The following PHYHIP variants were observed in gnomAD, a reference collection of about 807,000 sequenced individuals.
PHYHIP encodes phytanoyl-CoA 2-hydroxylase interacting protein.
In PHYHIP, 7 loss-of-function variants were observed where a neutral mutation model predicts 26.1. That is an observed-to-expected ratio of 0.27 (90% CI 0.15 to 0.50). PHYHIP has a LOEUF of 0.50. PHYHIP is among the 20% of genes least tolerant of loss of function. PHYHIP has a pLI of 0.98. For synonymous variants in PHYHIP, 206 were observed against 183.4 expected, an observed-to-expected ratio of 1.12 and a Z score of -1.00; for missense variants, 232 against 454.7, an observed-to-expected ratio of 0.51 and a Z score of 4.45.
chr8:22,222,396 G>A (rs771901322), intron 4 of PHYHIP, among the ~76,000 whole-genome samples: 6 of 152,114 alleles, frequency 3.9e-5, no homozygotes, highest in Non-Finnish European at 7.4e-5. Flanking sequence ...AACCTCCCAG[G>A]AACAGCAGAC....
At position 22,229,405 on chromosome 8, in the gene PHYHIP, C is replaced by A. The variant is rs559308755; in HGVS notation, c.-29-1019G>T. Among the ~76,000 whole-genome samples, 5 of 152,318 alleles carry A rather than the reference C, an allele frequency of 3.3e-5. No individual in the cohort carries two copies. The East Asian group carries it at 9.6e-4, about 29-fold the overall frequency. On this transcript the variant is annotated intron_variant, in intron 1 of 4. Transcript: ENST00000454243. ...CCTTTCAAGCAACTGCATTTTCTCT[C>A]CCCTCCCTGTCTTACTCCTTTGGTT...
Position 22,221,995 on chromosome 8 carries a change from T to C in PHYHIP, c.459-108A>G, listed in dbSNP as rs1343857011. ...CGAGGAGGGAGGAAGCCAGCCCAGC[T>C]CCCAGCCCTCCCCCAGCCGCCTCCA... On this transcript the variant is annotated intron_variant, in intron 4 of 4. Transcript: ENST00000454243. The surrounding 1 kb of genome is among the most constrained non-coding windows in gnomAD (Gnocchi z 7.9). 6.7e-6 allele frequency: 6 copies of C among 893,498 alleles called. No homozygotes were observed. Among genetic ancestry groups the C allele is most frequent in the Non-Finnish European group, 9.9e-6 (6 of 606,154 alleles). 55.3% of individuals were successfully genotyped at this position (893,498 alleles called of 1,614,324 possible).
rs1829795273 is a variant in PHYHIP at position 22,228,381 on chromosome 8, T to C, written c.-24A>G. 1 of 1,563,356 alleles carries C rather than the reference T, an allele frequency of 6.4e-7. No homozygotes were observed. The highest frequency in any genetic ancestry group is 1.9e-5 in the Admixed American group (1 of 52,776). The stretch of plus-strand genomic sequence containing the variant: ...ATGCTCCCGTCAGGGTTGTCTCCTG[T>C]GGGGACTGAGGAGGAGGGAAAGGGT... On this transcript the variant is annotated 5_prime_UTR_variant, in exon 2 of 5. Transcript: ENST00000454243.
At position 22,220,308 on chromosome 8, in the gene PHYHIP, G is replaced by C. The variant is rs929496236; in HGVS notation, c.*1045C>G. On this transcript the variant is annotated 3_prime_UTR_variant, in exon 5 of 5. Transcript: ENST00000454243. The stretch of plus-strand genomic sequence containing the variant: ...CCCGGGGAGGGGCTCCCGGCCAGCA[G>C]GGTGGCAGGAGAGCAGACAGAGCCA... 1 of 152,668 alleles carries C rather than the reference G, an allele frequency of 6.6e-6. No individual in the cohort carries two copies. The highest frequency in any genetic ancestry group is 2.4e-5 in the African/African-American group (1 of 41,454). The allele number at this position is 152,668 out of a possible 1,614,324, so 9.5% of individuals were successfully genotyped here.
chr8:22,224,094 G>C, intron 4 of PHYHIP, 132 bp downstream of exon 4: 1 of 682,348 alleles, frequency 1.5e-6, no homozygotes, highest in Non-Finnish European at 2.6e-6. Flanking sequence ...GGTGACGTCA[G>C]GACATGTCAA....
intron 1 of PHYHIP, among the ~76,000 whole-genome samples, chr8:22,229,536 G>C (rs1353183301): frequency 6.6e-6 from 1 of 152,176 alleles, no homozygotes; most frequent in Non-Finnish European, 1.5e-5. Context: ...ACTCTGGCCT[G>C]GCTGGCCTAG....
chr8:22,231,080 C>A (rs1563305851), intron 1 of PHYHIP, among the ~76,000 whole-genome samples: 1 of 152,234 alleles, frequency 6.6e-6, no homozygotes, highest in African/African-American at 2.4e-5. Context: ...TCTGGCCACA[C>A]TCTGCCAGCC....
intron 2 of PHYHIP, 95 bp from the exon 3 acceptor site, chr8:22,227,120 C>T (rs1586492415): frequency 6.3e-6 from 7 of 1,117,738 alleles, no homozygotes; most frequent in Non-Finnish European, 8.8e-6. Flanking sequence ...CCAGATGGCC[C>T]TGTTTCTCCT....
rs1180604803 is a variant in PHYHIP, at chr8:22,225,425, C to T, written c.341-1082G>A. On this transcript the variant is annotated intron_variant, in intron 3 of 4. Transcript: ENST00000454243. ...GCTTGGGCTCGTGGGGAGGAGGTTG[C>T]TGAGGCTGCAGTGAGCCATGATCAT... Among the ~76,000 whole-genome samples the T allele has an allele frequency of 6.6e-5, 10 of 152,028 alleles. No homozygotes were observed. The East Asian group carries it at 1.9e-3, about 29-fold the overall frequency.
chr8:22,221,950 G>A lies in PHYHIP; in HGVS notation c.459-63C>T. The A allele has an allele frequency of 2.9e-6, 4 of 1,387,738 alleles. No individual in the cohort carries two copies. The highest frequency in any genetic ancestry group is 3.8e-6 in the Non-Finnish European group (4 of 1,045,828). 86.0% of individuals were successfully genotyped at this position (1,387,738 alleles called of 1,614,324 possible). A position where few individuals can be genotyped will look rare whatever the true frequency, so the allele number is the denominator to read the frequency against. ...GATGTGGCTGGTGAGCCGGGCTGAGGCTTGGCTGCTGCGTGTGGTCGAGGA... is the reference window on the plus strand; with the variant it reads ...GATGTGGCTGGTGAGCCGGGCTGAGACTTGGCTGCTGCGTGTGGTCGAGGA... On this transcript the variant is annotated intron_variant, in intron 4 of 4. Transcript: ENST00000454243. The surrounding 1 kb of genome is among the most constrained non-coding windows in gnomAD (Gnocchi z 7.9).
At position 22,221,800 on chromosome 8, in the gene PHYHIP, G is replaced by A; in HGVS notation, c.546C>T (p.Val182=). The change falls in exon 5 of 5, where the codon GTC becomes GTT. Residue 182 remains valine, a synonymous_variant. Transcript: ENST00000454243. The surrounding 1 kb of genome is among the most constrained non-coding windows in gnomAD (Gnocchi z 7.9). ...GSPTSGMLHG[V]FFSCNTEFNT... is the part of the protein sequence containing the mutation. ...TGAACTCCGTGTTGCAGCTGAAGAA[G>A]ACCCCGTGGAGCATACCGCTGGTGG... 1.2e-6 allele frequency: 2 copies of A among 1,608,602 alleles called. No homozygotes were observed. Among genetic ancestry groups the A allele is most frequent in the Non-Finnish European group, 1.7e-6 (2 of 1,177,720 alleles).
At chr8:22,222,289 C>T (rs907344586) in intron 4 of PHYHIP, among the ~76,000 whole-genome samples, 9 of 152,180 alleles carry the variant, frequency 5.9e-5, no homozygotes, top group Non-Finnish European at 1.5e-5. Flanking sequence ...GGACTCTTCC[C>T]TCTGCTGCAC....
At chr8:22,229,083 C>A (rs1829816851) in intron 1 of PHYHIP, among the ~76,000 whole-genome samples, 2 of 152,158 alleles carry the variant, frequency 1.3e-5, no homozygotes, top group African/African-American at 2.4e-5. Flanking sequence ...ACATTAACAT[C>A]TATTAGGGGC....
At chr8:22,226,791 G>T in intron 3 of PHYHIP, 60 bp downstream of exon 3, 3 of 1,494,834 alleles carry the variant, frequency 2.0e-6, no homozygotes, top group South Asian at 2.5e-5. Context: ...GACCCGCCTT[G>T]ACCACAGCAA....
rs765863499 is a variant in PHYHIP, at chr8:22,228,260, C to A, written c.98G>T (p.Arg33Met). 1 of 1,611,198 alleles carries A rather than the reference C, an allele frequency of 6.2e-7. No homozygotes were observed. Among genetic ancestry groups the A allele is most frequent in the South Asian group, 1.1e-5 (1 of 90,990 alleles). Residue 33 changes from arginine to methionine, a missense_variant, in exon 2 of 5, where the codon AGG becomes ATG. By Grantham distance (91) the Arg-to-Met change is moderately conservative (BLOSUM62 -1). Transcript: ENST00000454243. ...SWAMEDSDLE[R>M]VTHYFIDLNK... ...AAGGTCAATGAAGTAATGGGTGACC[C>A]TCTCCAGGTCACTGTCCTCCATGGC...
intron 3 of PHYHIP, among the ~76,000 whole-genome samples, chr8:22,225,824 CAGA>C (rs1415961190): frequency 2.7e-5 from 4 of 148,216 alleles, no homozygotes; most frequent in Non-Finnish European, 6.0e-5. Flanking sequence ...AAAAAAAAGG[CAGA>C]AGGAGAAAAA....
At chr8:22,230,036 G>C (rs1829835142) in intron 1 of PHYHIP, among the ~76,000 whole-genome samples, 1 of 152,186 alleles carries the variant, frequency 6.6e-6, no homozygotes, top group South Asian at 2.1e-4. Context: ...GCATGGCGGT[G>C]CTACCAGGCC....
chr8:22,227,534 C>T lies in PHYHIP; in HGVS notation c.166-509G>A, dbSNP rs559433811. On this transcript the variant is annotated intron_variant, in intron 2 of 4. Coordinates refer to ENST00000454243, the MANE Select transcript of PHYHIP (RefSeq NM_014759.5). ...GGTGAGTAACCCACGCCGGTGCCGT[C>T]GGCCTGGGAGCCAGCTGGCCGCCTC... 1.5e-3 allele frequency: 681 copies of T among 447,208 alleles called. 17 individuals are homozygous for T. Among genetic ancestry groups the T allele is most frequent in the South Asian group, 0.01 (649 of 63,660 alleles). The allele number at this position is 447,208 out of a possible 1,614,324, so 27.7% of individuals were successfully genotyped here.
intron 2 of PHYHIP, among the ~76,000 whole-genome samples, chr8:22,227,349 G>A (rs1484295367): frequency 6.6e-6 from 1 of 152,206 alleles, no homozygotes; most frequent in African/African-American, 2.4e-5. Flanking sequence ...CCGTCTCCAC[G>A]GCAACGGCAA....
Sources: allele counts gnomAD v4.1 joint callset (sites outside exome capture counted in the v4.1 genomes callset), GRCh38; gene constraint gnomAD v4.1.1; non-coding constraint Gnocchi (gnomAD v3.1); transcripts MANE v1.5; gene names NCBI Gene and HGNC (gene_info 2026-07-23, HGNC 2026-07-21).